KCNB2: variants seen among roughly 807,000 people sequenced by gnomAD.
The protein encoded by KCNB2 is potassium voltage-gated channel subfamily B member 2, also known as delayed rectifier potassium channel protein.
KCNB2 carries 15 observed loss-of-function variants against 61.5 expected under a neutral mutation model. That is an observed-to-expected ratio of 0.24 (90% CI 0.16 to 0.38). KCNB2 has a LOEUF of 0.38. KCNB2 is among the 10% of genes least tolerant of loss of function. KCNB2 has a pLI of 1.00. For synonymous variants in KCNB2, 457 were observed against 446.0 expected, an observed-to-expected ratio of 1.02 and a Z score of -0.31; for missense variants, 828 against 1,125.2, an observed-to-expected ratio of 0.74 and a Z score of 3.78.
Position 72,664,994 on chromosome 8 carries a change from C to G in KCNB2, c.579+96681C>G, listed in dbSNP as rs141859631. On this transcript the variant is annotated intron_variant, in intron 2 of 2. Transcript: ENST00000523207. ...GCCAGAGAGACTGCAGTGCTGAGAG[C>G]CAAGGAAAAGGGCAAAAAAGGCCAA... 2.0e-5 allele frequency among the ~76,000 whole-genome samples: 3 copies of G among 152,012 alleles called. No individual in the cohort carries two copies. In the East Asian group the frequency reaches 5.8e-4, roughly 30 times the overall value.
rs191860160 is a variant in KCNB2 at position 72,717,217 on chromosome 8, T to C, written c.579+148904T>C. On this transcript the variant is annotated intron_variant, in intron 2 of 2. Coordinates refer to ENST00000523207, the MANE Select transcript of KCNB2 (RefSeq NM_004770.3). Reference sequence around the variant, plus strand: ...GCTCATAGGTAGAAAGAATCAATATTGTGAAAATGGCCATACTGCCCAAGG... The same window carrying C: ...GCTCATAGGTAGAAAGAATCAATATCGTGAAAATGGCCATACTGCCCAAGG... Among the ~76,000 whole-genome samples the C allele has an allele frequency of 6.7e-4, 102 of 152,216 alleles. 1 individual carries two copies. Among genetic ancestry groups the C allele is most frequent in the Admixed American group, 2.9e-3 (44 of 15,282 alleles).
At chr8:72,600,318 T>A (rs1197342801) in intron 2 of KCNB2, among the ~76,000 whole-genome samples, 5 of 151,466 alleles carry the variant, frequency 3.3e-5, no homozygotes, top group African/African-American at 1.2e-4. Context: ...CTGGAAACCA[T>A]CATTCTCAGC....
At chr8:72,687,002 C>T (rs960626348) in intron 2 of KCNB2, among the ~76,000 whole-genome samples, 3 of 152,158 alleles carry the variant, frequency 2.0e-5, no homozygotes, top group African/African-American at 7.2e-5. Flanking sequence ...GGAGAGCTCA[C>T]CTCATAGCAT....
chr8:72,787,266 A>G (rs1342832238), intron 2 of KCNB2, among the ~76,000 whole-genome samples: 1 of 152,062 alleles, frequency 6.6e-6, no homozygotes, highest in Non-Finnish European at 1.5e-5. Flanking sequence ...CCATGGTGGA[A>G]CACACCTGTA....
chr8:72,540,092 G>T (rs1462925663), intron 1 of KCNB2, among the ~76,000 whole-genome samples: 1 of 152,084 alleles, frequency 6.6e-6, no homozygotes, highest in Non-Finnish European at 1.5e-5. Context: ...ATTTTTTCTT[G>T]AATGCGTATC....
chr8:72,697,984 G>A (rs1807045056), intron 2 of KCNB2, among the ~76,000 whole-genome samples: 1 of 152,038 alleles, frequency 6.6e-6, no homozygotes, highest in Non-Finnish European at 1.5e-5. Flanking sequence ...TCCTGATGTA[G>A]TGAGGTTTGA....
intron 2 of KCNB2, among the ~76,000 whole-genome samples, chr8:72,701,879 A>G (rs1807134534): frequency 6.6e-6 from 1 of 152,170 alleles, no homozygotes; most frequent in South Asian, 2.1e-4. Context: ...CTTACAAAGC[A>G]GTACTTTTTC....
intron 2 of KCNB2, among the ~76,000 whole-genome samples, chr8:72,598,602 G>A (rs1807237840): frequency 6.6e-6 from 1 of 152,146 alleles, no homozygotes; most frequent in South Asian, 2.1e-4. Flanking sequence ...TCTGGCCAGG[G>A]CACTCAGGCA....
At chr8:72,793,265 A>T (rs1306870990) in intron 2 of KCNB2, among the ~76,000 whole-genome samples, 1 of 152,240 alleles carries the variant, frequency 6.6e-6, no homozygotes, top group Non-Finnish European at 1.5e-5. Context: ...GAACCAGAAA[A>T]AAACTAGTGC....
At chr8:72,677,655 TG>T (rs1330909496) in intron 2 of KCNB2, among the ~76,000 whole-genome samples, 1 of 152,214 alleles carries the variant, frequency 6.6e-6, no homozygotes, top group African/African-American at 2.4e-5. Context: ...CAGCAGCATT[TG>T]TTTGGCTACC....
chr8:72,586,926 C>T (rs1340059210), intron 2 of KCNB2, among the ~76,000 whole-genome samples: 2 of 152,180 alleles, frequency 1.3e-5, no homozygotes, highest in East Asian at 3.9e-4. Context: ...GAATGAATAA[C>T]ATATGATCCT....
intron 2 of KCNB2, among the ~76,000 whole-genome samples, chr8:72,761,396 A>G (rs746947480): frequency 6.6e-6 from 1 of 152,142 alleles, no homozygotes; most frequent in Non-Finnish European, 1.5e-5. Context: ...TGCATTCACA[A>G]ATGAGCCCCT....
chr8:72,583,069 T>G (rs948244375), intron 2 of KCNB2, among the ~76,000 whole-genome samples: 2 of 152,214 alleles, frequency 1.3e-5, no homozygotes, highest in African/African-American at 4.8e-5. Context: ...TGGAAACTCC[T>G]AAGTTCAGGA....
intron 2 of KCNB2, among the ~76,000 whole-genome samples, chr8:72,861,663 G>A (rs988651061): frequency 5.3e-5 from 8 of 152,246 alleles, no homozygotes; most frequent in Non-Finnish European, 7.4e-5. Flanking sequence ...TGGAATAAAC[G>A]TTCCCTGCCA....
intron 2 of KCNB2, among the ~76,000 whole-genome samples, chr8:72,655,350 G>A (rs1806274611): frequency 6.6e-6 from 1 of 151,966 alleles, no homozygotes; most frequent in African/African-American, 2.4e-5. Flanking sequence ...TGGGTACTAT[G>A]GTTATTACCT....
chr8:72,688,341 G>A (rs867252038), intron 2 of KCNB2, among the ~76,000 whole-genome samples: 6 of 151,978 alleles, frequency 3.9e-5, no homozygotes, highest in Non-Finnish European at 8.8e-5. Flanking sequence ...CCTATTCAAC[G>A]TTCCCAAGTG....
chr8:72,936,623 T>A lies in KCNB2; in HGVS notation c.1268T>A (p.Phe423Tyr). The change falls in exon 3 of 3, where the codon TTT becomes TAT. Residue 423 changes from phenylalanine (F) to tyrosine (Y), a missense_variant. Coordinates refer to ENST00000523207, the MANE Select transcript of KCNB2 (RefSeq NM_004770.3). This position sits in a 1 kb window ranked among gnomAD's most constrained non-coding sequence, Gnocchi z 5.6. ...IPIIVNNFSEFYKEQKRQEKA... is the reference protein window; with the variant it reads ...IPIIVNNFSEYYKEQKRQEKA... ...ATTATTGTGAACAATTTTTCTGAGT[T>A]TTACAAGGAGCAGAAACGCCAAGAG... is the stretch of plus-strand genomic sequence containing the variant. 1 of 1,614,066 alleles carries A rather than the reference T, an allele frequency of 6.2e-7. No homozygotes were observed. The highest frequency in any genetic ancestry group is 8.5e-7 in the Non-Finnish European group (1 of 1,180,008).
chr8:72,664,653 T>C (rs1235939037), intron 2 of KCNB2, among the ~76,000 whole-genome samples: 3 of 152,198 alleles, frequency 2.0e-5, no homozygotes, highest in Non-Finnish European at 4.4e-5. Context: ...AAATCTTTAT[T>C]AAGTACTTGT....
At chr8:72,632,283 A>C (rs1805894350) in intron 2 of KCNB2, among the ~76,000 whole-genome samples, 1 of 152,056 alleles carries the variant, frequency 6.6e-6, no homozygotes, top group Non-Finnish European at 1.5e-5. Flanking sequence ...AAATCAAAAG[A>C]CGAATATTAT....
Sources: allele counts gnomAD v4.1 joint callset (sites outside exome capture counted in the v4.1 genomes callset), GRCh38; gene constraint gnomAD v4.1.1; non-coding constraint Gnocchi (gnomAD v3.1); transcripts MANE v1.5; gene names NCBI Gene and HGNC (gene_info 2026-07-23, HGNC 2026-07-21).